MSRA: variants seen among roughly 807,000 people sequenced by gnomAD.
MSRA encodes methionine sulfoxide reductase A.
MSRA carries 54 observed loss-of-function variants against 31.3 expected under a neutral mutation model. That is an observed-to-expected ratio of 1.73 (90% CI 1.39 to 2.17). The LOEUF (loss-of-function observed/expected upper bound fraction) is 2.17, where lower values mean the gene tolerates loss of function less well. Ranked by LOEUF, MSRA falls within the 30% of genes most tolerant of loss-of-function variation. The pLI is 0.00. For missense variants in MSRA, 507 were observed against 300.9 expected (o/e 1.69, Z -5.07); for synonymous variants, 169 against 116.5 (o/e 1.45, Z -2.90).
chr8:10,414,900 AGGGACAG>A (rs1309934865), intron 5 of MSRA, among the ~76,000 whole-genome samples: 4 of 152,268 alleles, frequency 2.6e-5, no homozygotes, highest in African/African-American at 9.6e-5. Context: ...ATACAAAGAC[AGGGACAG>A]GGAAAGAGAA....
At chr8:10,252,859 C>T (rs1468179953) in intron 3 of MSRA, among the ~76,000 whole-genome samples, 1 of 152,174 alleles carries the variant, frequency 6.6e-6, no homozygotes, top group South Asian at 2.1e-4. Flanking sequence ...TCACATAGGT[C>T]CTTCATCCAC....
At chr8:10,393,417 G>A (rs1806887715) in intron 5 of MSRA, among the ~76,000 whole-genome samples, 2 of 152,180 alleles carry the variant, frequency 1.3e-5, no homozygotes, top group Non-Finnish European at 2.9e-5. Flanking sequence ...TAGGGAAAAC[G>A]GGCCTATATT....
At position 10,288,376 on chromosome 8, in the gene MSRA, CACCCTT is replaced by C. The variant is rs546566510; in HGVS notation, c.332-13156_332-13151del. 2.6e-5 allele frequency among the ~76,000 whole-genome samples: 4 copies of C among 152,226 alleles called. No individual in the cohort carries two copies. The South Asian group carries it at 8.3e-4, about 32-fold the overall frequency. On this transcript the variant is annotated intron_variant, in intron 3 of 5. Coordinates refer to ENST00000317173, the MANE Select transcript of MSRA (RefSeq NM_012331.5). ...GATTTTTGCCCCCTTGAAGTGACAC[CACCCTT>C]ATTGAGAAATCATAATTTATAGAAT...
intron 5 of MSRA, among the ~76,000 whole-genome samples, chr8:10,418,202 G>A (rs771253952): frequency 1.3e-5 from 2 of 152,192 alleles, no homozygotes; most frequent in Non-Finnish European, 2.9e-5. Flanking sequence ...AAATTCCTTT[G>A]GTGGGTGTAG....
chr8:10,212,834 A>G (rs1306793434), intron 2 of MSRA, among the ~76,000 whole-genome samples: 3 of 152,146 alleles, frequency 2.0e-5, no homozygotes, highest in African/African-American at 7.2e-5. Context: ...GAACACTGAA[A>G]CATTTAAAAA....
chr8:10,118,881 G>T (rs1395134028), intron 1 of MSRA, among the ~76,000 whole-genome samples: 1 of 152,202 alleles, frequency 6.6e-6, no homozygotes, highest in African/African-American at 2.4e-5. Flanking sequence ...TTGGGAAGAG[G>T]ACATTGGGAA....
chr8:10,283,995 C>G (rs898570321), intron 3 of MSRA, among the ~76,000 whole-genome samples: 4 of 151,534 alleles, frequency 2.6e-5, no homozygotes, highest in Non-Finnish European at 5.9e-5. Flanking sequence ...ATTATGACTT[C>G]TTTTCCTCTT....
rs979714610 is a variant in MSRA, at chr8:10,373,525, C to T, written c.543+53536C>T. Among the ~76,000 whole-genome samples the T allele has an allele frequency of 3.3e-5, 5 of 152,376 alleles. No individual in the cohort carries two copies. The East Asian group carries it at 5.8e-4, about 18-fold the overall frequency. ...GTGCTGGGATGACAGGCATGAGCTA[C>T]CTTGCCCAGCTACTGACTGGTACTT... is the stretch of plus-strand genomic sequence containing the variant. On this transcript the variant is annotated intron_variant, in intron 5 of 5. Coordinates refer to ENST00000317173, the MANE Select transcript of MSRA (RefSeq NM_012331.5).
intron 1 of MSRA, among the ~76,000 whole-genome samples, chr8:10,108,822 T>A (rs1800075671): frequency 1.3e-5 from 2 of 152,096 alleles, no homozygotes; most frequent in Admixed American, 1.3e-4. Flanking sequence ...TTTTTTTAGT[T>A]CTCTGTCTCT....
At chr8:10,261,841 A>G (rs968795542) in intron 3 of MSRA, among the ~76,000 whole-genome samples, 7 of 152,208 alleles carry the variant, frequency 4.6e-5, no homozygotes, top group African/African-American at 1.7e-4. Flanking sequence ...CTCCCTAAAG[A>G]TTCCCTGCGC....
At chr8:10,061,349 C>G (rs1324052093) in intron 1 of MSRA, among the ~76,000 whole-genome samples, 1 of 152,164 alleles carries the variant, frequency 6.6e-6, no homozygotes, top group Non-Finnish European at 1.5e-5. Flanking sequence ...TCCTTATCTT[C>G]AAGGAAGCAT....
intron 2 of MSRA, among the ~76,000 whole-genome samples, chr8:10,232,294 C>A (rs533921207): frequency 6.6e-6 from 1 of 152,304 alleles, no homozygotes; most frequent in East Asian, 1.9e-4. Context: ...GACTGCTCTT[C>A]CTACCCCATC....
chr8:10,089,143 C>T (rs1249660497), intron 1 of MSRA, among the ~76,000 whole-genome samples: 1 of 150,320 alleles, frequency 6.7e-6, no homozygotes, highest in Admixed American at 6.6e-5. Context: ...TTGTCCCACA[C>T]ACACACACAC....
intron 2 of MSRA, among the ~76,000 whole-genome samples, chr8:10,234,712 A>G (rs1402675124): frequency 2.6e-5 from 4 of 152,088 alleles, no homozygotes; most frequent in Non-Finnish European, 4.4e-5. Context: ...TAAAATAAAG[A>G]CACATGGAAA....
intron 1 of MSRA, among the ~76,000 whole-genome samples, chr8:10,143,264 G>A (rs978333262): frequency 1.3e-5 from 2 of 152,116 alleles, no homozygotes; most frequent in African/African-American, 4.8e-5. Context: ...AGTGAAGAGG[G>A]AGTGTTTAGA....
At chr8:10,109,141 T>G (rs1800100061) in intron 1 of MSRA, among the ~76,000 whole-genome samples, 1 of 152,104 alleles carries the variant, frequency 6.6e-6, no homozygotes, top group Non-Finnish European at 1.5e-5. Flanking sequence ...AAACACAAAT[T>G]AAGTCCAGGA....
chr8:10,350,013 C>T (rs1035807901), intron 5 of MSRA, among the ~76,000 whole-genome samples: 1 of 152,232 alleles, frequency 6.6e-6, no homozygotes, highest in African/African-American at 2.4e-5. Flanking sequence ...AAACAGGCCT[C>T]CCTGAGTAGA....
chr8:10,060,725 G>A (rs759171816), intron 1 of MSRA, among the ~76,000 whole-genome samples: 4 of 151,192 alleles, frequency 2.6e-5, no homozygotes, highest in South Asian at 2.1e-4. Flanking sequence ...ACATTTTGGC[G>A]TGATTGAAAA....
intron 1 of MSRA, among the ~76,000 whole-genome samples, chr8:10,074,331 C>T (rs1280476971): frequency 6.6e-6 from 1 of 151,926 alleles, no homozygotes; most frequent in Non-Finnish European, 1.5e-5. Flanking sequence ...ATCTGCCTGC[C>T]TCGGCCTCCC....
Sources: allele counts gnomAD v4.1 joint callset (sites outside exome capture counted in the v4.1 genomes callset), GRCh38; gene constraint gnomAD v4.1.1; transcripts MANE v1.5; gene names NCBI Gene and HGNC (gene_info 2026-07-23, HGNC 2026-07-21).